VGLL4: variants seen among roughly 807,000 people sequenced by gnomAD.
The protein encoded by VGLL4 is vestigial like family member 4, also known as transcription cofactor vestigial-like protein 4.
A neutral mutation model predicts 21.0 loss-of-function variants in VGLL4; 7 were observed. The ratio of observed to expected loss-of-function variants is 0.33; its 90% CI spans 0.19 to 0.63. The LOEUF (loss-of-function observed/expected upper bound fraction) is 0.63, where lower values mean the gene tolerates loss of function less well. Ranked by LOEUF, VGLL4 falls within the 20% of genes least tolerant of loss-of-function variation. The pLI is 0.78. For missense variants in VGLL4, 394 were observed against 425.7 expected (o/e 0.93, Z 0.66); for synonymous variants, 222 against 173.2 (o/e 1.28, Z -2.21).
intron 2 of VGLL4, among the ~76,000 whole-genome samples, chr3:11,590,631 G>C (rs899938647): frequency 6.6e-6 from 1 of 151,574 alleles, no homozygotes; most frequent in African/African-American, 2.4e-5. Context: ...TTATGTTTTG[G>C]AGACAATCTG....
intron 2 of VGLL4, among the ~76,000 whole-genome samples, chr3:11,598,358 C>T (rs2074698972): frequency 6.6e-6 from 1 of 152,124 alleles, no homozygotes; most frequent in South Asian, 2.1e-4. Flanking sequence ...TCAGAGCCAC[C>T]TGATCTCTCC....
intron 1 of VGLL4, among the ~76,000 whole-genome samples, chr3:11,717,639 C>A (rs772528396): frequency 4.0e-5 from 6 of 151,834 alleles, no homozygotes; most frequent in Non-Finnish European, 7.4e-5. Flanking sequence ...CCGCGCCCGG[C>A]CCAGAACATT....
At chr3:11,665,270 C>T (rs2076103435) in intron 2 of VGLL4, among the ~76,000 whole-genome samples, 1 of 151,424 alleles carries the variant, frequency 6.6e-6, no homozygotes, top group Non-Finnish European at 1.5e-5. Context: ...CCTGCCACCA[C>T]GCCTGGCTAA....
At chr3:11,715,649 A>C (rs2076910060) in intron 1 of VGLL4, among the ~76,000 whole-genome samples, 1 of 152,022 alleles carries the variant, frequency 6.6e-6, no homozygotes, top group Non-Finnish European at 1.5e-5. Context: ...CTTGTTATTC[A>C]TAGTAGTTGT....
chr3:11,573,484 G>T (rs1216730950), intron 2 of VGLL4, among the ~76,000 whole-genome samples: 1 of 152,150 alleles, frequency 6.6e-6, no homozygotes, highest in African/African-American at 2.4e-5. Flanking sequence ...AGTATTTGCA[G>T]GTCATCCACC....
intron 2 of VGLL4, among the ~76,000 whole-genome samples, chr3:11,566,250 A>G (rs529149998): frequency 9.8e-5 from 15 of 152,306 alleles, no homozygotes; most frequent in African/African-American, 3.1e-4. Flanking sequence ...CACGCATGTG[A>G]TAGGCGTACC....
intron 1 of VGLL4, among the ~76,000 whole-genome samples, chr3:11,616,172 G>A (rs1297801544): frequency 6.6e-6 from 1 of 150,578 alleles, no homozygotes; most frequent in African/African-American, 2.4e-5. Context: ...CACTGCTCCT[G>A]AGGTGTGGTC....
chr3:11,569,008 G>T, intron 2 of VGLL4: 1 of 984,670 alleles, frequency 1.0e-6, no homozygotes, highest in Non-Finnish European at 1.2e-6. Flanking sequence ...CCAGGACAGA[G>T]CTTTCTGAGT....
intron 2 of VGLL4, among the ~76,000 whole-genome samples, chr3:11,674,011 C>CAAAA (rs11293628): frequency 3.5e-5 from 2 of 56,876 alleles, no homozygotes; most frequent in Non-Finnish European, 6.3e-5. Context: ...GACTTTGTCT[C>CAAAA]AAAAAAAAAA....
intron 1 of VGLL4, among the ~76,000 whole-genome samples, chr3:11,620,868 G>C (rs563843496): frequency 6.6e-6 from 1 of 152,260 alleles, no homozygotes; most frequent in Admixed American, 6.5e-5. Flanking sequence ...TTTGCTTCTT[G>C]TAAGATAGCT....
intron 1 of VGLL4, among the ~76,000 whole-genome samples, chr3:11,605,599 C>T (rs1020093064): frequency 2.6e-5 from 4 of 152,064 alleles, no homozygotes; most frequent in South Asian, 2.1e-4. Flanking sequence ...GGCTGTCCTC[C>T]TTGATTCCTC....
chr3:11,693,726 G>A (rs376822867), intron 2 of VGLL4, among the ~76,000 whole-genome samples: 7 of 152,188 alleles, frequency 4.6e-5, no homozygotes, highest in Admixed American at 6.5e-5. Context: ...AGCCATGAAC[G>A]GGGGATGAAG....
intron 2 of VGLL4, among the ~76,000 whole-genome samples, chr3:11,697,917 T>A (rs191078938): frequency 6.6e-5 from 10 of 152,306 alleles, no homozygotes; most frequent in Non-Finnish European, 2.9e-5. Flanking sequence ...CCTTGCCACA[T>A]CACTCACACC....
intron 2 of VGLL4, 27 bp downstream of exon 2, chr3:11,601,806 A>G: frequency 6.2e-7 from 1 of 1,612,692 alleles, no homozygotes; most frequent in Non-Finnish European, 8.5e-7. Flanking sequence ...AGCACCCTTA[A>G]GCCAAAATAA....
At chr3:11,688,178 T>A (rs2076477755) in intron 2 of VGLL4, among the ~76,000 whole-genome samples, 1 of 152,232 alleles carries the variant, frequency 6.6e-6, no homozygotes, top group Non-Finnish European at 1.5e-5. Context: ...TCTTTCAATA[T>A]AATTGCTAGC....
chr3:11,645,748 G>C (rs1017618850), upstream of VGLL4, among the ~76,000 whole-genome samples: 5 of 152,056 alleles, frequency 3.3e-5, no homozygotes, highest in Non-Finnish European at 7.4e-5. Flanking sequence ...GAGACGGGCG[G>C]ATCACTTGAG....
At chr3:11,573,825 G>T (rs761489284) in intron 2 of VGLL4, among the ~76,000 whole-genome samples, 1 of 152,182 alleles carries the variant, frequency 6.6e-6, no homozygotes, top group Non-Finnish European at 1.5e-5. Flanking sequence ...TAGGTTCTCT[G>T]AATGTGAGCT....
intron 2 of VGLL4, among the ~76,000 whole-genome samples, chr3:11,673,134 A>G (rs1326320760): frequency 1.3e-5 from 2 of 152,188 alleles, no homozygotes; most frequent in Non-Finnish European, 2.9e-5. Flanking sequence ...CCTGCCCTTA[A>G]TCACAAGCAG....
intron 2 of VGLL4, among the ~76,000 whole-genome samples, chr3:11,686,050 G>C (rs2076442679): frequency 6.6e-6 from 1 of 152,176 alleles, no homozygotes; most frequent in African/African-American, 2.4e-5. Context: ...ATGTTGGTGA[G>C]GATGTGGAGA....
Sources: gnomAD v4.1 joint callset for allele counts (sites outside exome capture counted in the v4.1 genomes callset) on GRCh38, gnomAD v4.1.1 for gene constraint, MANE v1.5 for transcripts, NCBI Gene and HGNC (gene_info 2026-07-23, HGNC 2026-07-21) for gene names.